Variants in UBA7 observed in about 807,000 individuals in gnomAD.
UBA7 encodes ubiquitin-like modifier-activating enzyme 7.
UBA7 carries 88 observed loss-of-function variants against 113.0 expected under a neutral mutation model. That is an observed-to-expected ratio of 0.78 (90% CI 0.66 to 0.93). UBA7 has a LOEUF of 0.93. Ranked by LOEUF, UBA7 falls within the 40% of genes least tolerant of loss-of-function variation. UBA7 has a pLI of 0.00. For missense variants in UBA7, 1,092 were observed against 1,266.4 expected, an observed-to-expected ratio of 0.86 and a Z score of 2.09; for synonymous variants, 459 against 513.0, an observed-to-expected ratio of 0.89 and a Z score of 1.42.
At position 49,805,895 on chromosome 3, in the gene UBA7, A is replaced by G. The variant is rs766515300; in HGVS notation, c.2909+2T>C. ...CCTGTCTAAAGCCCCAAGTGGGCTC[A>G]CCTGAGGGGCAGGTGCTGGGCCTGC... On this transcript the variant is annotated splice_donor_variant, in intron 23 of 23. Transcript: ENST00000333486. LOFTEE classifies it high-confidence loss of function. The G allele has an allele frequency of 1.9e-6, 3 of 1,552,172 alleles. No homozygotes were observed. The highest frequency in any genetic ancestry group is 2.4e-5 in the South Asian group (2 of 84,120).
chr3:49,809,642 G>A lies in UBA7; in HGVS notation c.1988C>T (p.Pro663Leu), dbSNP rs754413374. ...KPVLGVLRVR[P>L]QNWQDCVAWA... ...CGCCACACAGTCTTGCCAGTTCTGT[G>A]GACGCACTCTCAGGACCCCAAGCAC... Residue 663 changes from proline (P) to leucine (L), a missense_variant, in exon 16 of 24, where the codon CCA becomes CTA. By Grantham distance (98) the Pro-to-Leu change is moderately conservative. This residue lies in a region of UBA7 where 500 missense variants were observed against 529.3 expected (regional missense o/e 0.94). Coordinates refer to ENST00000333486, the MANE Select transcript of UBA7 (RefSeq NM_003335.3). 4.3e-6 allele frequency: 7 copies of A among 1,614,082 alleles called. No homozygotes were observed. The highest frequency in any genetic ancestry group is 5.9e-6 in the Non-Finnish European group (7 of 1,180,040).
At position 49,809,430 on chromosome 3, in the gene UBA7, G is replaced by C. The variant is rs2081505940; in HGVS notation, c.2123C>G (p.Pro708Arg). ...LEDGTPFWSGPKQCPQPLEFD... is the reference protein window; with the variant it reads ...LEDGTPFWSGRKQCPQPLEFD... ...CTCCAAGGGCTGGGGACACTGTTTG[G>C]GACCTGACCAGAAGGGAGTTCCATC... Residue 708 changes from proline (P) to arginine (R), a missense_variant, in exon 17 of 24, where the codon CCC becomes CGC. By Grantham distance (103) the Pro-to-Arg change is moderately radical. Around this residue, in one of 3 missense-constraint regions of UBA7, gnomAD observed 500 missense variants for 529.3 expected, o/e 0.94. Transcript: ENST00000333486. 2 of 1,614,142 alleles carry C rather than the reference G, an allele frequency of 1.2e-6. No individual in the cohort carries two copies. The highest frequency in any genetic ancestry group is 4.5e-5 in the East Asian group (2 of 44,896).
chr3:49,808,219 C>T, intron 19 of UBA7, 107 bp from the exon 20 acceptor site: 1 of 1,523,780 alleles, frequency 6.6e-7, no homozygotes, highest in Non-Finnish European at 9.1e-7. Context: ...GGGGGGTTGC[C>T]CCACATCTCC....
At chr3:49,808,150 CTG>C in intron 19 of UBA7, 38 bp from the exon 20 acceptor site, 5 of 1,608,238 alleles carry the variant, frequency 3.1e-6, no homozygotes, top group Non-Finnish European at 4.2e-6. Flanking sequence ...AACACTGCAG[CTG>C]TGCCCCTCAC....
At chr3:49,806,289 G>T (rs1575366949) in intron 21 of UBA7, 124 bp from the exon 22 acceptor site, 1 of 824,824 alleles carries the variant, frequency 1.2e-6, no homozygotes, top group South Asian at 1.7e-5. Flanking sequence ...GGGGTGGGGG[G>T]TGGGGGGGAG....
chr3:49,811,540 C>G lies in UBA7; in HGVS notation c.940-85G>C, dbSNP rs2081547510. On this transcript the variant is annotated intron_variant, in intron 8 of 23. Coordinates refer to ENST00000333486, the MANE Select transcript of UBA7 (RefSeq NM_003335.3). ...TCCTTCCAGCCACCCTCCATCCACC[C>G]TGTTCCACAGAAGAGGAAGCAGAAG... is the stretch of plus-strand genomic sequence containing the variant. The G allele has an allele frequency of 7.9e-6, 12 of 1,516,538 alleles. 1 individual carries two copies. The highest frequency in any genetic ancestry group is 6.4e-5 in the South Asian group (5 of 78,616). 93.9% of individuals were successfully genotyped at this position (1,516,538 alleles called of 1,614,324 possible).
chr3:49,808,435 A>C lies in UBA7; in HGVS notation c.2381T>G (p.Leu794Arg). ...GGGAGGGCCCACACTCCAGACTTCC[A>C]GGGCTTTGTTCAGTTCCTTCTGCTG... ...PEQQKELNKALEVWSVGPPLK... is the reference protein window; with the variant it reads ...PEQQKELNKAREVWSVGPPLK... Residue 794 changes from leucine to arginine, a missense_variant, in exon 19 of 24, where the codon CTG becomes CGG. Physicochemically the swap from Leu to Arg is moderately radical, Grantham distance 102. Around this residue, in one of 3 missense-constraint regions of UBA7, gnomAD observed 500 missense variants for 529.3 expected, o/e 0.94. Transcript: ENST00000333486. 6.2e-7 allele frequency: 1 copy of C among 1,614,172 alleles called. No individual in the cohort carries two copies. Among genetic ancestry groups the C allele is most frequent in the Admixed American group, 1.7e-5 (1 of 60,024 alleles).
Position 49,808,117 on chromosome 3 carries a change from A to C in UBA7, c.2431-5T>G. The C allele has an allele frequency of 1.2e-6, 2 of 1,613,738 alleles. No homozygotes were observed. The highest frequency in any genetic ancestry group is 1.7e-6 in the Non-Finnish European group (2 of 1,179,866). Reference sequence around the variant, plus strand: ...ATGGAAGTTGCTGTCATCATCCTGTAAGGCCCAAGTCAAAGTAGTGTTAAC... The same window carrying C: ...ATGGAAGTTGCTGTCATCATCCTGTCAGGCCCAAGTCAAAGTAGTGTTAAC... On this transcript the variant is annotated splice_polypyrimidine_tract_variant and splice_region_variant and intron_variant, in intron 19 of 23. Transcript: ENST00000333486.
chr3:49,812,752 G>T lies in UBA7; in HGVS notation c.468-14C>A. 1 of 1,613,986 alleles carries T rather than the reference G, an allele frequency of 6.2e-7. No homozygotes were observed. Among genetic ancestry groups the T allele is most frequent in the Non-Finnish European group, 8.5e-7 (1 of 1,179,890 alleles). On this transcript the variant is annotated splice_polypyrimidine_tract_variant and intron_variant, in intron 4 of 23. Transcript: ENST00000333486. ...CAGAACAACTGCCTGAGATGGGGTG[G>T]TAGGGGTCACTGAGGTGGCTTACAG...
At position 49,805,281 on chromosome 3, in the gene UBA7, G is replaced by A; in HGVS notation, c.*27C>T. 1 of 1,607,450 alleles carries A rather than the reference G, an allele frequency of 6.2e-7. No individual in the cohort carries two copies. Among genetic ancestry groups the A allele is most frequent in the Non-Finnish European group, 8.5e-7 (1 of 1,174,836 alleles). ...AGGGCTTGGGATCCGGGGCTCCATT[G>A]AGCTAGGTGACAGGGTGGCTGCCTT... is the stretch of plus-strand genomic sequence containing the variant. On this transcript the variant is annotated 3_prime_UTR_variant, in exon 24 of 24. Coordinates refer to ENST00000333486, the MANE Select transcript of UBA7 (RefSeq NM_003335.3).
Position 49,813,765 on chromosome 3 carries a change from T to C in UBA7, c.23A>G (p.Lys8Arg). The C allele has an allele frequency of 6.2e-7, 1 of 1,614,186 alleles. No individual in the cohort carries two copies. The highest frequency in any genetic ancestry group is 8.5e-7 in the Non-Finnish European group (1 of 1,180,030). ...TGAATACAGCTCCTCATCCAGTAGC[T>C]TCGAAGCGTCCAGGGCATCCATCCT... Reference protein sequence around the residue: MDALDASKLLDEELYSRQ... With the variant: MDALDASRLLDEELYSRQ... Residue 8 changes from lysine (K) to arginine (R), a missense_variant, in exon 1 of 24, where the codon AAG becomes AGG. This residue lies in a region of UBA7 where 584 missense variants were observed against 714.5 expected (regional missense o/e 0.82). Transcript: ENST00000333486.
chr3:49,812,378 G>A, intron 6 of UBA7, 30 bp downstream of exon 6: 1 of 1,613,590 alleles, frequency 6.2e-7, no homozygotes, highest in Non-Finnish European at 8.5e-7. Context: ...CTTGGGCCCT[G>A]CACCTGGAAT....
Position 49,813,493 on chromosome 3 carries a change from C to T in UBA7, c.211G>A (p.Asp71Asn), listed in dbSNP as rs1402091984. Residue 71 changes from aspartate to asparagine, a missense_variant, in exon 2 of 24, where the codon GAC becomes AAC. This residue lies in a region of UBA7 where 584 missense variants were observed against 714.5 expected (regional missense o/e 0.82). Coordinates refer to ENST00000333486, the MANE Select transcript of UBA7 (RefSeq NM_003335.3). ...AGGACACTTACCTGGGCAGCCAGGT[C>T]GGACCAGCAGGTGGGGTGGGGATCA... ...LHDPHPTCWS[D>N]LAAQFLLSEQ... is the part of the protein sequence containing the mutation. 14 of 1,613,738 alleles carry T rather than the reference C, an allele frequency of 8.7e-6. No individual in the cohort carries two copies. Among genetic ancestry groups the T allele is most frequent in the Non-Finnish European group, 1.1e-5 (13 of 1,179,888 alleles).
Position 49,810,132 on chromosome 3 carries a change from G to C in UBA7, c.1685C>G (p.Ala562Gly), listed in dbSNP as rs772387728. 1.9e-6 allele frequency: 3 copies of C among 1,612,782 alleles called. No individual in the cohort carries two copies. Among genetic ancestry groups the C allele is most frequent in the Non-Finnish European group, 2.5e-6 (3 of 1,180,006 alleles). ...CTHYLKPLLE[A>G]GTSGTWGSAT... ...ACTGCCCCAGGTGCCCGATGTGCCT[G>C]CCTCCAGCAGTGGCTTCAGATAGTG... Residue 562 changes from alanine to glycine, a missense_variant, in exon 14 of 24, where the codon GCA (alanine) becomes GGA (glycine). Ala to Gly is a moderately conservative substitution (Grantham distance 60). Around this residue, in one of 3 missense-constraint regions of UBA7, gnomAD observed 584 missense variants for 714.5 expected, o/e 0.82. Coordinates refer to ENST00000333486, the MANE Select transcript of UBA7 (RefSeq NM_003335.3). This position sits in a 1 kb window ranked among gnomAD's most constrained non-coding sequence, Gnocchi z 5.6.
chr3:49,808,591 A>G, intron 18 of UBA7, 123 bp from the exon 19 acceptor site: 1 of 1,036,352 alleles, frequency 9.6e-7, no homozygotes, highest in Non-Finnish European at 1.4e-6. Context: ...TCAAATCAAG[A>G]AGCCCCCTTA....
rs752457607 is a variant in UBA7 at position 49,812,724 on chromosome 3, T to G, written c.482A>C (p.Asp161Ala). Reference protein sequence around the residue: ...TRGLVGQLFCDFGEDFTVQDP... With the variant: ...TRGLVGQLFCAFGEDFTVQDP... The stretch of plus-strand genomic sequence containing the variant: ...CTGCACAGTGAAGTCCTCACCAAAG[T>G]CACAGAACAACTGCCTGAGATGGGG... The change falls in exon 5 of 24, where the codon GAC (aspartate) becomes GCC (alanine). Residue 161 changes from aspartate (D) to alanine (A), a missense_variant. Around this residue, in one of 3 missense-constraint regions of UBA7, gnomAD observed 584 missense variants for 714.5 expected, o/e 0.82. Transcript: ENST00000333486. 6.2e-7 allele frequency: 1 copy of G among 1,614,120 alleles called. No homozygotes were observed. The highest frequency in any genetic ancestry group is 8.5e-7 in the Non-Finnish European group (1 of 1,180,016).
chr3:49,806,719 G>A (rs2108298745), intron 21 of UBA7, among the ~76,000 whole-genome samples: 2 of 152,142 alleles, frequency 1.3e-5, no homozygotes, highest in South Asian at 4.1e-4. Context: ...CTAGAGCTAA[G>A]GACAGAAGGA....
Position 49,813,505 on chromosome 3 carries a change from T to G in UBA7, c.199A>C (p.Thr67Pro). Residue 67 changes from threonine to proline, a missense_variant, in exon 2 of 24, where the codon ACC becomes CCC. Coordinates refer to ENST00000333486, the MANE Select transcript of UBA7 (RefSeq NM_003335.3). ...GSLTLHDPHP[T>P]CWSDLAAQFL... ...TGGGCAGCCAGGTCGGACCAGCAGG[T>G]GGGGTGGGGATCATGCAGAGTGAGG... The G allele has an allele frequency of 6.2e-7, 1 of 1,613,896 alleles. No individual in the cohort carries two copies. The highest frequency in any genetic ancestry group is 1.1e-5 in the South Asian group (1 of 91,082).
Position 49,812,214 on chromosome 3 carries a change from A to T in UBA7, c.695-8T>A. The T allele has an allele frequency of 1.2e-6, 2 of 1,614,094 alleles. No individual in the cohort carries two copies. Among genetic ancestry groups the T allele is most frequent in the South Asian group, 2.2e-5 (2 of 91,074 alleles). On this transcript the variant is annotated splice_region_variant and splice_polypyrimidine_tract_variant and intron_variant, in intron 6 of 23. Coordinates refer to ENST00000333486, the MANE Select transcript of UBA7 (RefSeq NM_003335.3). ...TCTCCAGGGACCCATCCTCTGAGGG[A>T]GTTCCAGTCTAGTCAGTAATGATCC...
Sources: gnomAD v4.1 joint callset for allele counts (sites outside exome capture counted in the v4.1 genomes callset) on GRCh38, gnomAD v4.1.1 for gene constraint, gnomAD v4.1.1 regional missense constraint, Gnocchi (gnomAD v3.1) non-coding constraint, MANE v1.5 for transcripts, NCBI Gene and HGNC (gene_info 2026-07-23, HGNC 2026-07-21) for gene names.